The following KCTD2 variants were observed in gnomAD, a reference collection of about 807,000 sequenced individuals.
KCTD2 encodes BTB/POZ domain-containing protein KCTD2.
KCTD2 carries 18 observed loss-of-function variants against 27.9 expected under a neutral mutation model. The ratio of observed to expected loss-of-function variants is 0.64; its 90% CI spans 0.45 to 0.96. The LOEUF is 0.96. Ranked by LOEUF, KCTD2 falls within the 40% of genes least tolerant of loss-of-function variation. The probability of loss-of-function intolerance (pLI) is 0.00; values close to 1 mark genes in which losing one functional copy is unlikely to be tolerated. For missense variants in KCTD2, 280 were observed against 348.0 expected, an observed-to-expected ratio of 0.80 and a Z score of 1.56; for synonymous variants, 175 against 148.4, an observed-to-expected ratio of 1.18 and a Z score of -1.30.
chr17:75,058,777 G>A (rs777180410), intron 3 of KCTD2, among the ~76,000 whole-genome samples: 2 of 151,428 alleles, frequency 1.3e-5, no homozygotes, highest in East Asian at 1.9e-4. Context: ...CAGCCTGGGC[G>A]ACAGAGTGAG....
intron 3 of KCTD2, chr17:75,040,067 A>G (rs758854590): frequency 4.3e-6 from 7 of 1,612,944 alleles, no homozygotes; most frequent in Non-Finnish European, 5.9e-6. Context: ...GAATTTTAGA[A>G]TAAGCAGGAG....
chr17:75,048,294 A>T (rs2073249204), intron 1 of KCTD2, among the ~76,000 whole-genome samples: 2 of 152,192 alleles, frequency 1.3e-5, no homozygotes, highest in Non-Finnish European at 2.9e-5. Flanking sequence ...GTGACAAGAC[A>T]CTTAAACCAT....
chr17:75,033,363 G>A (rs1450880674), intron 1 of KCTD2, among the ~76,000 whole-genome samples: 1 of 151,146 alleles, frequency 6.6e-6, no homozygotes, highest in African/African-American at 2.4e-5. Flanking sequence ...ATATCTACTT[G>A]GCTGATTTTC....
intron 2 of KCTD2, among the ~76,000 whole-genome samples, chr17:75,052,777 C>T (rs183706331): frequency 6.4e-4 from 97 of 152,228 alleles, no homozygotes; most frequent in African/African-American, 2.2e-3. Flanking sequence ...GCCTGTAGTC[C>T]CAGCTACTTG....
chr17:75,045,664 T>C (rs954481424), upstream of KCTD2, among the ~76,000 whole-genome samples: 1 of 115,922 alleles, frequency 8.6e-6, no homozygotes, highest in Non-Finnish European at 1.7e-5. Context: ...AGTTTAAGGT[T>C]CTCTCTTGTT....
At chr17:75,048,467 G>C (rs766405284) in intron 1 of KCTD2, among the ~76,000 whole-genome samples, 1 of 152,120 alleles carries the variant, frequency 6.6e-6, no homozygotes, top group Non-Finnish European at 1.5e-5. Flanking sequence ...TGTTGTTTTC[G>C]TTTATTCCTC....
At chr17:75,051,546 A>G (rs960075578) in intron 2 of KCTD2, among the ~76,000 whole-genome samples, 19 of 150,092 alleles carry the variant, frequency 1.3e-4, no homozygotes, top group African/African-American at 4.2e-4. Context: ...GGCCTCCCGA[A>G]ATGCTGCGAT....
chr17:75,055,666 T>G (rs891660609), intron 3 of KCTD2, among the ~76,000 whole-genome samples: 1 of 151,970 alleles, frequency 6.6e-6, no homozygotes, highest in African/African-American at 2.4e-5. Flanking sequence ...AAACCCTGTC[T>G]CTACTAAAAA....
intron 2 of KCTD2, among the ~76,000 whole-genome samples, chr17:75,051,748 T>A (rs56294526): frequency 0.016 from 2,506 of 152,268 alleles, 34 homozygotes; most frequent in Non-Finnish European, 0.027. Context: ...ACAAGGATAC[T>A]GTTTTATGTA....
chr17:75,057,256 C>T (rs1160377135), intron 3 of KCTD2, among the ~76,000 whole-genome samples: 1 of 151,888 alleles, frequency 6.6e-6, no homozygotes, highest in African/African-American at 2.4e-5. Flanking sequence ...ACCCAGACTC[C>T]TATTTCTTAG....
At position 75,063,257 on chromosome 17, in the gene KCTD2, T is replaced by G. The variant is rs1334777803; in HGVS notation, c.*210T>G. 1.7e-6 allele frequency: 1 copy of G among 599,990 alleles called. No individual in the cohort carries two copies. Among genetic ancestry groups the G allele is most frequent in the Admixed American group, 2.9e-5 (1 of 34,512 alleles). The allele number at this position is 599,990 out of a possible 1,614,324, so 37.2% of individuals were successfully genotyped here. A position where few individuals can be genotyped will look rare whatever the true frequency, so the allele number is the denominator to read the frequency against. On this transcript the variant is annotated 3_prime_UTR_variant, in exon 6 of 6. Coordinates refer to ENST00000322444, the MANE Select transcript of KCTD2 (RefSeq NM_015353.3). ...GTGCGACTTCTGGCTGCAGAATACC[T>G]TTTCAGAAACCTGCTTTCATTTGCT...
chr17:75,047,061 G>C (rs2073228663), upstream of KCTD2: 1 of 268,292 alleles, frequency 3.7e-6, no homozygotes, highest in Non-Finnish European at 7.0e-6. Flanking sequence ...ATGAGGGCTG[G>C]TTCCGGAAGT....
chr17:75,047,532 C>T lies in KCTD2; in HGVS notation c.282C>T (p.Pro94=). 1 of 1,611,846 alleles carries T rather than the reference C, an allele frequency of 6.2e-7. No individual in the cohort carries two copies. Among genetic ancestry groups the T allele is most frequent in the Non-Finnish European group, 8.5e-7 (1 of 1,179,612 alleles). ...CCAGACAGACCTTAGGCCGGGAGCC[C>T]AAGTCATTTCTCTGCCGCCTCTGCT... The part of the protein sequence containing the change: ...VTTRQTLGRE[P]KSFLCRLCCQ... Residue 94 remains proline (P), a synonymous_variant, in exon 1 of 6, where the codon CCC becomes CCT. Transcript: ENST00000322444.
chr17:75,049,614 T>G (rs1352176800), intron 2 of KCTD2, among the ~76,000 whole-genome samples: 1 of 152,228 alleles, frequency 6.6e-6, no homozygotes, highest in Non-Finnish European at 1.5e-5. Context: ...ACGATCCTTT[T>G]TTTACATTTG....
intron 3 of KCTD2, among the ~76,000 whole-genome samples, chr17:75,058,498 C>T (rs1281558162): frequency 6.7e-6 from 1 of 149,400 alleles, no homozygotes; most frequent in Non-Finnish European, 1.5e-5. Flanking sequence ...AGCGAGACTC[C>T]ATCTCAAAAA....
intron 2 of KCTD2, among the ~76,000 whole-genome samples, chr17:75,034,878 A>C (rs2040099127): frequency 6.6e-6 from 1 of 152,018 alleles, no homozygotes; most frequent in Non-Finnish European, 1.5e-5. Flanking sequence ...CCTCAATCTT[A>C]TGATCTGACG....
upstream of KCTD2, among the ~76,000 whole-genome samples, chr17:75,043,215 C>T (rs1351015578): frequency 1.3e-5 from 2 of 151,990 alleles, no homozygotes; most frequent in African/African-American, 4.8e-5. Flanking sequence ...AGCAAGAGTC[C>T]GTCTCAAAAA....
chr17:75,041,334 G>A (rs1163958050), intron 3 of KCTD2: 4 of 138,342 alleles, frequency 2.9e-5, no homozygotes, highest in African/African-American at 1.1e-4. Flanking sequence ...CAACCTGAGT[G>A]ACAGAGTGAG....
chr17:75,049,147 T>C (rs2073259626), intron 1 of KCTD2, 73 bp from the exon 2 acceptor site: 1 of 904,506 alleles, frequency 1.1e-6, no homozygotes, highest in South Asian at 1.9e-5. Flanking sequence ...ACAAAGATGG[T>C]GAAATCCTGC....
Sources: allele counts gnomAD v4.1 joint callset (sites outside exome capture counted in the v4.1 genomes callset), GRCh38; gene constraint gnomAD v4.1.1; transcripts MANE v1.5; gene names NCBI Gene and HGNC (gene_info 2026-07-23, HGNC 2026-07-21).